The following RXYLT1 variants were observed in gnomAD, a reference collection of about 807,000 sequenced individuals.
RXYLT1 encodes ribitol-5-phosphate xylosyltransferase 1.
RXYLT1 carries 41 observed loss-of-function variants against 43.5 expected under a neutral mutation model. The observed-to-expected ratio is 0.94, with a 90% CI of 0.73 to 1.22. The LOEUF (loss-of-function observed/expected upper bound fraction) is 1.22. Among genes scored for constraint, RXYLT1 ranks in the 50% most tolerant of loss-of-function variants. RXYLT1 has a pLI of 0.00. For missense variants in RXYLT1, 514 were observed against 532.0 expected, an observed-to-expected ratio of 0.97 and a Z score of 0.33; for synonymous variants, 166 against 194.4, an observed-to-expected ratio of 0.85 and a Z score of 1.21.
rs780743557 is a variant in RXYLT1 at position 63,805,291 on chromosome 12, A to C, written c.801A>C (p.Pro267=). ...GGTCAATGCTGCATGATGAGAGGCCATATTTATGTAATTTCTTAGGAACGA... is the reference window on the plus strand; with the variant it reads ...GGTCAATGCTGCATGATGAGAGGCCCTATTTATGTAATTTCTTAGGAACGA... ...ASWSMLHDER[P]YLCNFLGTIY... Residue 267 remains proline (P), a synonymous_variant, in exon 5 of 6, where the codon CCA becomes CCC. Transcript: ENST00000261234. 5.0e-6 allele frequency: 8 copies of C among 1,613,612 alleles called. No homozygotes were observed. The highest frequency in any genetic ancestry group is 6.8e-6 in the Non-Finnish European group (8 of 1,179,810).
rs1565908832 is a variant in RXYLT1, at chr12:63,808,863, A to C, written c.1103A>C (p.His368Pro). Residue 368 changes from histidine (H) to proline (P), a missense_variant, in exon 6 of 6, where the codon CAC becomes CCC. By Grantham distance (77) the His-to-Pro change is moderately conservative. Coordinates refer to ENST00000261234, the MANE Select transcript of RXYLT1 (RefSeq NM_014254.3). ...GGCAACTGTGGGAATACATCTGTGC[A>C]CCACGGTGCTCCTCTGCAGTTACTC... is the stretch of plus-strand genomic sequence containing the variant. ...TAGNCGNTSV[H>P]HGAPLQLLKS... is the part of the protein sequence containing the mutation. The C allele has an allele frequency of 6.2e-7, 1 of 1,614,174 alleles. No individual in the cohort carries two copies. Among genetic ancestry groups the C allele is most frequent in the Non-Finnish European group, 8.5e-7 (1 of 1,180,032 alleles).
At chr12:63,795,285 A>G (rs7967742) in intron 3 of RXYLT1, among the ~76,000 whole-genome samples, 9,462 of 150,076 alleles carry the variant, frequency 0.063, 391 homozygotes, top group Middle Eastern at 0.15. Flanking sequence ...TGTCAAAAAA[A>G]AAGAAGAAGA....
chr12:63,808,774 C>T lies in RXYLT1; in HGVS notation c.1014C>T (p.Cys338=), dbSNP rs1451020741. ...TLCPVGVNTE[C]YRIYEACSYG... ...GCCCGGTCGGAGTAAACACAGAATG[C>T]TATCGAATCTATGAGGCTTGCTCCT... Residue 338 remains cysteine, a synonymous_variant, in exon 6 of 6, where the codon TGC becomes TGT. Transcript: ENST00000261234. 6.2e-6 allele frequency: 10 copies of T among 1,613,318 alleles called. No individual in the cohort carries two copies. In the South Asian group the frequency reaches 8.8e-5, roughly 14 times the overall value.
chr12:63,784,227 C>T (rs1350706701), intron 2 of RXYLT1, among the ~76,000 whole-genome samples: 2 of 152,186 alleles, frequency 1.3e-5, no homozygotes, highest in African/African-American at 4.8e-5. Context: ...TAATTGGCCA[C>T]ATTTTAAACG....
intron 3 of RXYLT1, among the ~76,000 whole-genome samples, chr12:63,801,428 A>C (rs75752305): frequency 0.013 from 1,964 of 152,284 alleles, 44 homozygotes; most frequent in African/African-American, 0.044. Flanking sequence ...GTTTGAACTA[A>C]ACCATTATTT....
intron 1 of RXYLT1, chr12:63,780,353 G>A: frequency 1.6e-6 from 2 of 1,287,178 alleles, no homozygotes; most frequent in South Asian, 2.7e-5. Context: ...CCCGATCCCA[G>A]GGGGTGACAG....
At position 63,809,208 on chromosome 12, in the gene RXYLT1, C is replaced by T. The variant is rs1056612219; in HGVS notation, c.*116C>T. The T allele has an allele frequency of 2.7e-6, 2 of 732,696 alleles. No individual in the cohort carries two copies. The highest frequency in any genetic ancestry group is 4.3e-6 in the Non-Finnish European group (2 of 466,466). The allele number at this position is 732,696 out of a possible 1,614,324, so 45.4% of individuals were successfully genotyped here. On this transcript the variant is annotated 3_prime_UTR_variant, in exon 6 of 6. Transcript: ENST00000261234. The stretch of plus-strand genomic sequence containing the variant: ...CTTTAAGGTACCCTTGAAAACTCTA[C>T]ATTATGTATGCCACATAATGACATT...
chr12:63,780,264 C>G, intron 1 of RXYLT1, 135 bp downstream of exon 1: 4 of 1,369,442 alleles, frequency 2.9e-6, no homozygotes, highest in Non-Finnish European at 3.7e-6. Flanking sequence ...TTGCCCCCTA[C>G]AGCCTCTCGA....
At chr12:63,804,928 G>C (rs1171387217) in intron 4 of RXYLT1, 1 of 228,232 alleles carries the variant, frequency 4.4e-6, no homozygotes, top group East Asian at 9.7e-5. Flanking sequence ...TACTTTGAAG[G>C]TTTTGAATGT....
At chr12:63,782,022 C>G (rs2136220225) in intron 2 of RXYLT1, among the ~76,000 whole-genome samples, 1 of 152,254 alleles carries the variant, frequency 6.6e-6, no homozygotes, top group South Asian at 2.1e-4. Flanking sequence ...CAAGTTCTAG[C>G]CATTATTTTT....
At position 63,787,109 on chromosome 12, in the gene RXYLT1, G is replaced by GA. The variant is rs745483871; in HGVS notation, c.428+2048dup. On this transcript the variant is annotated intron_variant, in intron 3 of 5. Transcript: ENST00000261234. ...ACCCCGGGCGACAGAATGAGTCAAA[G>GA]AAAAAAAAAAATTGGAGCCAGTCCT... Among the ~76,000 whole-genome samples, 177 of 143,906 alleles carry GA rather than the reference G, an allele frequency of 1.2e-3. 2 individuals are homozygous for GA. In the East Asian group the frequency reaches 0.018, roughly 15 times the overall value. The allele number at this position is 143,906 out of a possible 152,430, so 94.4% of individuals were successfully genotyped here.
At chr12:63,789,240 C>T (rs948753482) in intron 3 of RXYLT1, among the ~76,000 whole-genome samples, 7 of 152,242 alleles carry the variant, frequency 4.6e-5, no homozygotes, top group African/African-American at 1.7e-4. Context: ...TGTTGTGTCT[C>T]AGGGAATAGG....
chr12:63,781,282 A>T, intron 2 of RXYLT1, 108 bp downstream of exon 2: 1 of 1,161,742 alleles, frequency 8.6e-7, no homozygotes, highest in East Asian at 3.0e-5. Flanking sequence ...TAATTAAGGC[A>T]TCATGATATA....
At chr12:63,780,281 C>G (rs1897648622) in intron 1 of RXYLT1, 152 bp downstream of exon 1, 1 of 1,359,678 alleles carries the variant, frequency 7.4e-7, no homozygotes, top group Non-Finnish European at 9.4e-7. Flanking sequence ...TCGAGCCAGC[C>G]CTTGGCTCGG....
Position 63,799,419 on chromosome 12 carries a change from CTCAGCCTGCT to C in RXYLT1, c.429-2671_429-2662del, listed in dbSNP as rs1161988320. On this transcript the variant is annotated intron_variant, in intron 3 of 5. Transcript: ENST00000261234. The stretch of plus-strand genomic sequence containing the variant: ...TCCTGGGCTCAAGTGATCCTCCTGC[CTCAGCCTGCT>C]GAGTAGCTGCACCACCATGCCCAGC... 7.3e-5 allele frequency among the ~76,000 whole-genome samples: 11 copies of C among 150,486 alleles called. No homozygotes were observed. In the East Asian group the frequency reaches 2.2e-3, roughly 30 times the overall value.
chr12:63,808,572 T>A (rs1898364956), intron 5 of RXYLT1, 103 bp from the exon 6 acceptor site: 4 of 1,324,092 alleles, frequency 3.0e-6, no homozygotes, highest in Non-Finnish European at 1.0e-6. Context: ...CTATAAAGTT[T>A]CACCATTTCC....
chr12:63,795,059 GC>G (rs1183504625), intron 3 of RXYLT1, among the ~76,000 whole-genome samples: 2 of 152,094 alleles, frequency 1.3e-5, no homozygotes, highest in Non-Finnish European at 1.5e-5. Context: ...ACTTTGGGAG[GC>G]CAAAGCAGGC....
At chr12:63,799,218 C>T (rs1018299071) in intron 3 of RXYLT1, among the ~76,000 whole-genome samples, 1 of 151,230 alleles carries the variant, frequency 6.6e-6, no homozygotes, top group Non-Finnish European at 1.5e-5. Flanking sequence ...ATATTCCTTT[C>T]ACATGAAAGT....
intron 3 of RXYLT1, among the ~76,000 whole-genome samples, chr12:63,792,928 C>T (rs1897950262): frequency 6.6e-6 from 1 of 152,134 alleles, no homozygotes; most frequent in Non-Finnish European, 1.5e-5. Flanking sequence ...GGGGGTCTTG[C>T]TATGTTGCCC....
Sources: gnomAD v4.1 joint callset for allele counts (sites outside exome capture counted in the v4.1 genomes callset) on GRCh38, gnomAD v4.1.1 for gene constraint, MANE v1.5 for transcripts, NCBI Gene and HGNC (gene_info 2026-07-23, HGNC 2026-07-21) for gene names.